The following MAPK8IP3 variants were observed in gnomAD, a reference collection of about 807,000 sequenced individuals.
The protein encoded by MAPK8IP3 is mitogen-activated protein kinase 8 interacting protein 3.
Under a neutral mutation model 157.8 loss-of-function variants are expected in MAPK8IP3, and 49 were observed. The ratio of observed to expected loss-of-function variants is 0.31; its 90% confidence interval spans 0.25 to 0.39. The LOEUF (loss-of-function observed/expected upper bound fraction) is 0.39. MAPK8IP3 is among the 10% of genes least tolerant of loss of function. The probability of loss-of-function intolerance (pLI) is 1.00; values close to 1 mark genes in which losing one functional copy is unlikely to be tolerated. For synonymous variants in MAPK8IP3, 897 were observed against 777.7 expected (o/e 1.15, Z -2.55); for missense variants, 1,478 against 1,889.4 (o/e 0.78, Z 4.04).
Position 1,763,791 on chromosome 16 carries a change from C to T in MAPK8IP3, c.2025+8C>T. Reference sequence around the variant, plus strand: ...CCCGCCAAGTACAAGCAGGTGCGGGCGGGCGCTGCGGGGACCGGGCGGGGC... The same window carrying T: ...CCCGCCAAGTACAAGCAGGTGCGGGTGGGCGCTGCGGGGACCGGGCGGGGC... On this transcript the variant is annotated splice_region_variant and intron_variant, in intron 17 of 31. Coordinates refer to ENST00000610761, the MANE Select transcript of MAPK8IP3 (RefSeq NM_001318852.2). 1.6e-6 allele frequency: 2 copies of T among 1,244,984 alleles called. No homozygotes were observed. Among genetic ancestry groups the T allele is most frequent in the Non-Finnish European group, 2.1e-6 (2 of 963,800 alleles). 77.1% of individuals were successfully genotyped at this position (1,244,984 alleles called of 1,614,324 possible).
rs765892606 is a variant in MAPK8IP3 at position 1,762,364 on chromosome 16, T to C, written c.1553T>C (p.Met518Thr). ...CTCCCTCCGCAGGACAAAATCCCCA[T>C]GGCCCAGCGCCGCCGCTTCACGCGG... is the stretch of plus-strand genomic sequence containing the variant. ...YLCTESDKIP[M>T]AQRRRFTRVE... The change falls in exon 14 of 32, where the codon ATG (methionine) becomes ACG (threonine). Residue 518 changes from methionine to threonine, a missense_variant. Around this residue, in one of 11 missense-constraint regions of MAPK8IP3, gnomAD observed 96 missense variants for 106.3 expected, o/e 0.90. Coordinates refer to ENST00000610761, the MANE Select transcript of MAPK8IP3 (RefSeq NM_001318852.2). 1 of 1,576,594 alleles carries C rather than the reference T, an allele frequency of 6.3e-7. No individual in the cohort carries two copies. Among genetic ancestry groups the C allele is most frequent in the Non-Finnish European group, 8.6e-7 (1 of 1,161,528 alleles).
At position 1,762,655 on chromosome 16, in the gene MAPK8IP3, C is replaced by T. The variant is rs370209840; in HGVS notation, c.1671-20C>T. On this transcript the variant is annotated intron_variant, in intron 14 of 31. Coordinates refer to ENST00000610761, the MANE Select transcript of MAPK8IP3 (RefSeq NM_001318852.2). ...GGCGTGAGGGCACTAGCAGGTTGCTCCCTGTGCCCTCCCCTGCAGAGCGTC... is the reference window on the plus strand; with the variant it reads ...GGCGTGAGGGCACTAGCAGGTTGCTTCCTGTGCCCTCCCCTGCAGAGCGTC... 9 of 1,542,408 alleles carry T rather than the reference C, an allele frequency of 5.8e-6. No homozygotes were observed. Among genetic ancestry groups the T allele is most frequent in the Admixed American group, 1.9e-5 (1 of 51,528 alleles).
intron 2 of MAPK8IP3, among the ~76,000 whole-genome samples, chr16:1,727,010 ATGTGCT>A (rs2038923754): frequency 6.9e-6 from 1 of 143,950 alleles, no homozygotes; most frequent in African/African-American, 2.6e-5. Flanking sequence ...TCTGTGTGTC[ATGTGCT>A]GTGTGCGGCA....
chr16:1,768,787 ACAT>A lies in MAPK8IP3; in HGVS notation c.3982_3984del (p.Ile1328del). ...GTGCTGTCCAAGGCAGAGCGCAGTC[ACAT>A]CATCGTGTGGCAGGTGTCCTACACC... On this transcript the variant is annotated inframe_deletion, in exon 32 of 32. Transcript: ENST00000610761. 6.2e-7 allele frequency: 1 copy of A among 1,612,640 alleles called. No individual in the cohort carries two copies. The highest frequency in any genetic ancestry group is 8.5e-7 in the Non-Finnish European group (1 of 1,179,822).
At chr16:1,763,808 G>GGGCGGGGCCCCGCAGA (rs1328567658) in intron 17 of MAPK8IP3, 25 bp downstream of exon 17, 8 of 1,462,712 alleles carry the variant, frequency 5.5e-6, no homozygotes, top group Non-Finnish European at 7.2e-6. Context: ...TGCGGGGACC[G>GGGCGGGGCCCCGCAGA]GGCGGGGCCC....
At chr16:1,758,044 C>T in intron 8 of MAPK8IP3, 104 bp from the exon 9 acceptor site, 10 of 1,193,094 alleles carry the variant, frequency 8.4e-6, no homozygotes, top group Middle Eastern at 1.9e-4. Flanking sequence ...GCAGCCGAAT[C>T]ATTGCTGGGT....
In MAPK8IP3 at chr16:1,768,741, G is replaced by A. The variant is rs755339222; in HGVS notation, c.3931G>A (p.Asp1311Asn). The change falls in exon 32 of 32, where the codon GAC (aspartate) becomes AAC (asparagine). Residue 1311 changes from aspartate to asparagine, a missense_variant. Around this residue, in one of 11 missense-constraint regions of MAPK8IP3, gnomAD observed 133 missense variants for 133.4 expected, o/e 1.00. Transcript: ENST00000610761. ...CGACGAGACGGAGGAGGGCGCAGGG[G>A]ACATGAGCCAGGTGAAGCCCGTGCT... ...EDDETEEGAG[D>N]MSQVKPVLSK... is the part of the protein sequence containing the mutation. The A allele has an allele frequency of 1.3e-5, 21 of 1,612,666 alleles. 1 individual carries two copies. In the Admixed American group the frequency reaches 3.3e-4, roughly 26 times the overall value.
rs2042174088 is a variant in MAPK8IP3 at position 1,764,995 on chromosome 16, T to A, written c.2281-18T>A. On this transcript the variant is annotated intron_variant, in intron 19 of 31. Coordinates refer to ENST00000610761, the MANE Select transcript of MAPK8IP3 (RefSeq NM_001318852.2). ...CCTCAAGCTCGGGCTCTGACCTTGA[T>A]CCCGTGCCCTGAAACAGGCCAAGGA... 2 of 1,592,946 alleles carry A rather than the reference T, an allele frequency of 1.3e-6. No individual in the cohort carries two copies. Among genetic ancestry groups the A allele is most frequent in the Non-Finnish European group, 1.7e-6 (2 of 1,164,376 alleles).
chr16:1,718,313 T>A (rs1004430413), intron 1 of MAPK8IP3, among the ~76,000 whole-genome samples: 2 of 151,542 alleles, frequency 1.3e-5, no homozygotes, highest in South Asian at 4.2e-4. Flanking sequence ...GCCTCCTGAG[T>A]AGCTGGGATT....
intron 4 of MAPK8IP3, among the ~76,000 whole-genome samples, chr16:1,732,448 ACT>A (rs574674838): frequency 1.3e-3 from 196 of 152,248 alleles, no homozygotes; most frequent in Admixed American, 4.1e-3. Context: ...AAGCTGTCAG[ACT>A]CTGCTTCCGA....
At chr16:1,730,080 A>C (rs2039203803) in intron 4 of MAPK8IP3, among the ~76,000 whole-genome samples, 1 of 148,524 alleles carries the variant, frequency 6.7e-6, no homozygotes, top group African/African-American at 2.5e-5. Context: ...AAAATTGTTT[A>C]AAAATTAGCT....
chr16:1,760,671 C>T (rs757205585), intron 12 of MAPK8IP3, 139 bp downstream of exon 12: 36 of 1,062,552 alleles, frequency 3.4e-5, no homozygotes, highest in Non-Finnish European at 4.3e-5. Context: ...AGCTCACAGC[C>T]ACTCCACCCC....
At position 1,726,768 on chromosome 16, in the gene MAPK8IP3, C is replaced by G. The variant is rs568892504; in HGVS notation, c.439+2091C>G. Among the ~76,000 whole-genome samples the G allele has an allele frequency of 6.6e-5, 10 of 152,344 alleles. No homozygotes were observed. The East Asian group carries it at 1.9e-3, about 29-fold the overall frequency. On this transcript the variant is annotated intron_variant, in intron 2 of 31. Coordinates refer to ENST00000610761, the MANE Select transcript of MAPK8IP3 (RefSeq NM_001318852.2). Reference sequence around the variant, plus strand: ...GCAGAGAGCAGGCCCCGGGCTCCCTCCAGGTGGTGGCTATACTCTGCCCCA... The same window carrying G: ...GCAGAGAGCAGGCCCCGGGCTCCCTGCAGGTGGTGGCTATACTCTGCCCCA...
chr16:1,757,170 A>G (rs2041652303), intron 8 of MAPK8IP3, among the ~76,000 whole-genome samples: 1 of 151,852 alleles, frequency 6.6e-6, no homozygotes, highest in Non-Finnish European at 1.5e-5. Context: ...CAGTGGCGTG[A>G]TCTCAGCTCA....
intron 9 of MAPK8IP3, 88 bp from the exon 10 acceptor site, chr16:1,758,890 C>T (rs1042679407): frequency 1.5e-5 from 22 of 1,438,300 alleles, no homozygotes; most frequent in Middle Eastern, 1.7e-4. Context: ...GCTGTCCACA[C>T]GGGCTTAACG....
At chr16:1,712,869 C>T (rs2142278899) in intron 1 of MAPK8IP3, among the ~76,000 whole-genome samples, 1 of 152,378 alleles carries the variant, frequency 6.6e-6, no homozygotes, top group South Asian at 2.1e-4. Flanking sequence ...CTCTGCCGCC[C>T]CTGCCTGGGG....
rs562652188 is a variant in MAPK8IP3 at position 1,747,802 on chromosome 16, A to G, written c.995-442A>G. On this transcript the variant is annotated intron_variant, in intron 6 of 31. Transcript: ENST00000610761. ...CGGCACACAGCCCCACTAACCAGTA[A>G]CCTGCATCGCCCCACGGCACACAGT... Among the ~76,000 whole-genome samples the G allele has an allele frequency of 1.5e-4, 23 of 150,952 alleles. 1 individual carries two copies. The South Asian group carries it at 4.9e-3, about 32-fold the overall frequency.
Position 1,766,294 on chromosome 16 carries a change from G to A in MAPK8IP3, c.2704G>A (p.Val902Met), listed in dbSNP as rs974886894. ...STEEATEATE[V>M]PDPGPSEPET... ...AGAGGAGGCCACAGAGGCCACGGAG[G>A]TGCCAGACCCTGGGCCCAGCGAGCC... The change falls in exon 22 of 32, where the codon GTG becomes ATG. Residue 902 changes from valine to methionine, a missense_variant. This residue lies in a region of MAPK8IP3 where 669 missense variants were observed against 759.8 expected (regional missense o/e 0.88). Coordinates refer to ENST00000610761, the MANE Select transcript of MAPK8IP3 (RefSeq NM_001318852.2). 1 of 1,612,586 alleles carries A rather than the reference G, an allele frequency of 6.2e-7. No homozygotes were observed. Among genetic ancestry groups the A allele is most frequent in the Non-Finnish European group, 8.5e-7 (1 of 1,180,006 alleles).
intron 4 of MAPK8IP3, among the ~76,000 whole-genome samples, chr16:1,739,195 C>T (rs1313310882): frequency 1.1e-4 from 13 of 116,372 alleles, no homozygotes; most frequent in East Asian, 5.3e-4. Context: ...TCCGTGTGAC[C>T]GTCCGTGTGA....
Sources: gnomAD v4.1 joint callset for allele counts (sites outside exome capture counted in the v4.1 genomes callset) on GRCh38, gnomAD v4.1.1 for gene constraint, gnomAD v4.1.1 regional missense constraint, MANE v1.5 for transcripts, NCBI Gene and HGNC (gene_info 2026-07-23, HGNC 2026-07-21) for gene names.